Variants in GMDS observed in about 807,000 individuals in gnomAD.
GMDS encodes the protein GDP-mannose 4,6 dehydratase.
A neutral mutation model predicts 49.9 loss-of-function variants in GMDS; 20 were observed. That is an observed-to-expected ratio of 0.40 (90% CI 0.28 to 0.58). GMDS has a LOEUF of 0.58. Ranked by LOEUF, GMDS falls within the 20% of genes least tolerant of loss-of-function variation. The probability of loss-of-function intolerance (pLI) is 0.42; values close to 1 mark genes in which losing one functional copy is unlikely to be tolerated. For missense variants in GMDS, 362 were observed against 481.4 expected, an observed-to-expected ratio of 0.75 and a Z score of 2.32; for synonymous variants, 177 against 178.6, an observed-to-expected ratio of 0.99 and a Z score of 0.07.
intron 7 of GMDS, among the ~76,000 whole-genome samples, chr6:1,911,291 G>A (rs1208716866): frequency 1.3e-5 from 2 of 152,164 alleles, no homozygotes; most frequent in Non-Finnish European, 2.9e-5. Context: ...CATTAATACT[G>A]GATGTTGAGT....
At chr6:1,719,891 A>G (rs527957284) in intron 9 of GMDS, among the ~76,000 whole-genome samples, 28 of 152,344 alleles carry the variant, frequency 1.8e-4, no homozygotes, top group Non-Finnish European at 3.4e-4. Context: ...GTAGACGTCA[A>G]TAAGTCTGCA....
chr6:2,108,374 A>G (rs1016807702), intron 4 of GMDS, among the ~76,000 whole-genome samples: 1 of 151,684 alleles, frequency 6.6e-6, no homozygotes, highest in Non-Finnish European at 1.5e-5. Flanking sequence ...TCAAAATTTT[A>G]AATTTTATAT....
chr6:1,690,030 G>T (rs1040007975), intron 9 of GMDS, among the ~76,000 whole-genome samples: 4 of 152,016 alleles, frequency 2.6e-5, no homozygotes, highest in African/African-American at 4.8e-5. Context: ...TCTTGAACCC[G>T]GGAGGCAGAG....
intron 7 of GMDS, among the ~76,000 whole-genome samples, chr6:1,867,929 C>A (rs1758518377): frequency 6.6e-6 from 1 of 151,986 alleles, no homozygotes. Context: ...TGGGTGCTTC[C>A]CCCAACAGAT....
intron 7 of GMDS, among the ~76,000 whole-genome samples, chr6:1,900,999 C>A (rs1157143777): frequency 6.6e-6 from 1 of 152,218 alleles, no homozygotes; most frequent in Admixed American, 6.5e-5. Flanking sequence ...CAGGCCACTT[C>A]CTAATACATT....
At chr6:1,812,068 A>C (rs527758693) in intron 7 of GMDS, among the ~76,000 whole-genome samples, 1 of 152,320 alleles carries the variant, frequency 6.6e-6, no homozygotes, top group Admixed American at 6.5e-5. Flanking sequence ...ATAAATGCTA[A>C]ATACAGATCT....
chr6:1,820,480 G>A (rs1241264334), intron 7 of GMDS, among the ~76,000 whole-genome samples: 1 of 152,028 alleles, frequency 6.6e-6, no homozygotes, highest in African/African-American at 2.4e-5. Flanking sequence ...GGTTATTTAT[G>A]GACCCTATAA....
chr6:1,956,443 A>C (rs1763642237), intron 6 of GMDS, among the ~76,000 whole-genome samples: 1 of 152,190 alleles, frequency 6.6e-6, no homozygotes, highest in African/African-American at 2.4e-5. Flanking sequence ...TGAAAGTCAG[A>C]AATTCTCATG....
chr6:1,627,114 T>C (rs189128722), intron 9 of GMDS, among the ~76,000 whole-genome samples: 1 of 152,382 alleles, frequency 6.6e-6, no homozygotes, highest in Admixed American at 6.5e-5. Context: ...CAGCTGTTCC[T>C]AGGCTGACAT....
chr6:1,798,718 G>A (rs1581194304), intron 7 of GMDS, among the ~76,000 whole-genome samples: 1 of 152,134 alleles, frequency 6.6e-6, no homozygotes, highest in African/African-American at 2.4e-5. Flanking sequence ...AAACAGAACC[G>A]AGCACTGTAA....
chr6:1,993,339 T>C (rs1291334533), intron 4 of GMDS, among the ~76,000 whole-genome samples: 1 of 152,192 alleles, frequency 6.6e-6, no homozygotes, highest in African/African-American at 2.4e-5. Flanking sequence ...TAGGTAACTT[T>C]TCCTCTATCA....
chr6:2,177,066 G>A (rs1778316521), intron 1 of GMDS, among the ~76,000 whole-genome samples: 1 of 152,136 alleles, frequency 6.6e-6, no homozygotes, highest in Non-Finnish European at 1.5e-5. Flanking sequence ...AAAAGTCTTT[G>A]GTACCAAGAA....
At chr6:1,870,339 T>C (rs1758667857) in intron 7 of GMDS, among the ~76,000 whole-genome samples, 1 of 152,148 alleles carries the variant, frequency 6.6e-6, no homozygotes, top group Non-Finnish European at 1.5e-5. Context: ...GAGCTAAGGA[T>C]GAGCACTTCA....
At chr6:2,239,689 C>A (rs549544436) in intron 1 of GMDS, among the ~76,000 whole-genome samples, 1 of 144,482 alleles carries the variant, frequency 6.9e-6, no homozygotes, top group East Asian at 2.0e-4. Flanking sequence ...AATGCCAGAC[C>A]TTTTTTTTTT....
At chr6:1,919,198 C>T (rs1182558493) in intron 7 of GMDS, among the ~76,000 whole-genome samples, 3 of 152,140 alleles carry the variant, frequency 2.0e-5, no homozygotes, top group South Asian at 2.1e-4. Context: ...AGGAGCTTCC[C>T]CAAGAGAGAC....
At chr6:2,236,588 G>T (rs1199399181) in intron 1 of GMDS, among the ~76,000 whole-genome samples, 1 of 152,134 alleles carries the variant, frequency 6.6e-6, no homozygotes, top group African/African-American at 2.4e-5. Flanking sequence ...TACTACTAGT[G>T]TCTGCATATA....
At chr6:2,002,167 A>G (rs1052022451) in intron 4 of GMDS, among the ~76,000 whole-genome samples, 1 of 152,222 alleles carries the variant, frequency 6.6e-6, no homozygotes, top group African/African-American at 2.4e-5. Context: ...CCTTTGTTCC[A>G]CCATCTTCTA....
At chr6:1,934,001 T>C (rs1271883298) in intron 6 of GMDS, among the ~76,000 whole-genome samples, 2 of 152,204 alleles carry the variant, frequency 1.3e-5, no homozygotes, top group African/African-American at 4.8e-5. Context: ...ATGAGTTTTA[T>C]AGTTTTTCTT....
At chr6:1,747,077 A>C (rs999486935) in intron 7 of GMDS, among the ~76,000 whole-genome samples, 1 of 152,148 alleles carries the variant, frequency 6.6e-6, no homozygotes, top group Non-Finnish European at 1.5e-5. Context: ...TGAGGGGTGG[A>C]TGCAGAAGTG....
Sources: gnomAD v4.1 joint callset for allele counts (sites outside exome capture counted in the v4.1 genomes callset) on GRCh38, gnomAD v4.1.1 for gene constraint, MANE v1.5 for transcripts, NCBI Gene and HGNC (gene_info 2026-07-23, HGNC 2026-07-21) for gene names.